The following FAT3 variants were observed in gnomAD, a reference collection of about 807,000 sequenced individuals.
FAT3 encodes protocadherin Fat 3.
In FAT3, 95 loss-of-function variants were observed where a neutral mutation model predicts 310.2. The observed-to-expected ratio is 0.31, with a 90% CI of 0.26 to 0.36. FAT3 has a LOEUF of 0.36. FAT3 is among the 10% of genes least tolerant of loss of function. The probability of loss-of-function intolerance (pLI) is 1.00; values close to 1 mark genes in which losing one functional copy is unlikely to be tolerated. For missense variants in FAT3, 5,408 were observed against 5,715.6 expected (o/e 0.95, Z 1.74); for synonymous variants, 2,314 against 2,192.9 (o/e 1.06, Z -1.54).
At chr11:92,679,609 G>A (rs560952953) in intron 3 of FAT3, among the ~76,000 whole-genome samples, 13 of 151,990 alleles carry the variant, frequency 8.6e-5, no homozygotes, top group Non-Finnish European at 1.6e-4. Context: ...TTGGGAGTCC[G>A]AGGTGGGCGG....
intron 3 of FAT3, among the ~76,000 whole-genome samples, chr11:92,531,932 C>T (rs951873765): frequency 6.6e-6 from 1 of 152,036 alleles, no homozygotes; most frequent in African/African-American, 2.4e-5. Context: ...AGGGTCACCC[C>T]TTGCTTCAGT....
chr11:92,739,286 A>G (rs1945439446), intron 4 of FAT3, among the ~76,000 whole-genome samples: 1 of 152,102 alleles, frequency 6.6e-6, no homozygotes, highest in East Asian at 1.9e-4. Context: ...ACCTCATGCA[A>G]TCTTTTTGTT....
In FAT3 at chr11:92,320,882, G is replaced by T. The variant is rs990678407; in HGVS notation, c.-17-31214G>T. On this transcript the variant is annotated intron_variant, in intron 1 of 27. Transcript: ENST00000525166. Reference sequence around the variant, plus strand: ...GAAACTCCATCTCAAAAAAAAAAAGGGGGGGGTACTTATTTATAATGTCCT... The same window carrying T: ...GAAACTCCATCTCAAAAAAAAAAAGTGGGGGGTACTTATTTATAATGTCCT... 1.5e-4 allele frequency among the ~76,000 whole-genome samples: 17 copies of T among 117,096 alleles called. No individual in the cohort carries two copies. The South Asian group carries it at 4.3e-3, about 29-fold the overall frequency. 76.8% of individuals were successfully genotyped at this position (117,096 alleles called of 152,430 possible).
intron 1 of FAT3, among the ~76,000 whole-genome samples, chr11:92,230,354 C>T (rs367723630): frequency 2.6e-5 from 4 of 152,042 alleles, no homozygotes; most frequent in African/African-American, 4.8e-5. Context: ...AGTGCAGTGG[C>T]GTGTTCTTGG....
At chr11:92,652,582 A>G (rs375737488) in intron 3 of FAT3, among the ~76,000 whole-genome samples, 1 of 152,258 alleles carries the variant, frequency 6.6e-6, no homozygotes, top group South Asian at 2.1e-4. Flanking sequence ...GGCTTCTCCT[A>G]CTCATTCTCA....
intron 4 of FAT3, among the ~76,000 whole-genome samples, chr11:92,751,051 T>G (rs1945814890): frequency 6.6e-6 from 1 of 152,124 alleles, no homozygotes; most frequent in Non-Finnish European, 1.5e-5. Context: ...TGCTGTATAA[T>G]TGCCATCCCT....
intron 3 of FAT3, among the ~76,000 whole-genome samples, chr11:92,625,547 C>A: frequency 6.6e-6 from 1 of 152,302 alleles, no homozygotes; most frequent in Non-Finnish European, 1.5e-5. Context: ...CCCAACAAAG[C>A]TCACACCGAT....
intron 2 of FAT3, among the ~76,000 whole-genome samples, chr11:92,390,219 G>A (rs1174733907): frequency 6.6e-6 from 1 of 152,118 alleles, no homozygotes; most frequent in Non-Finnish European, 1.5e-5. Context: ...AGATCTAAAA[G>A]CTTTCCTCCC....
chr11:92,321,950 A>C (rs917673890), intron 1 of FAT3, among the ~76,000 whole-genome samples: 9 of 152,244 alleles, frequency 5.9e-5, no homozygotes, highest in African/African-American at 2.2e-4. Context: ...ACTGAGGCTC[A>C]ATGCCATGAA....
chr11:92,885,906 C>T (rs890179488), intron 24 of FAT3, among the ~76,000 whole-genome samples: 1 of 152,218 alleles, frequency 6.6e-6, no homozygotes, highest in East Asian at 1.9e-4. Context: ...GTTTAGCCAA[C>T]TCCTGTGGCC....
chr11:92,551,174 T>C (rs1954802262), intron 3 of FAT3, among the ~76,000 whole-genome samples: 1 of 151,988 alleles, frequency 6.6e-6, no homozygotes, highest in Non-Finnish European at 1.5e-5. Flanking sequence ...AGCAAATACC[T>C]CAATTACAGC....
rs16917425 is a variant in FAT3 at position 92,364,195 on chromosome 11, T to C, written c.3292+8791T>C. ...TGTGTGGTCTTTTCTCTGTATGCAATCTTCCTTTTATATTTAATAATAGAC... is the reference window on the plus strand; with the variant it reads ...TGTGTGGTCTTTTCTCTGTATGCAACCTTCCTTTTATATTTAATAATAGAC... On this transcript the variant is annotated intron_variant, in intron 2 of 27. Coordinates refer to ENST00000525166, the MANE Select transcript of FAT3 (RefSeq NM_001367949.2). Among the ~76,000 whole-genome samples the C allele has an allele frequency of 6.6e-3, 999 of 152,302 alleles. 17 individuals are homozygous for C. The highest frequency in any genetic ancestry group is 0.022 in the African/African-American group (923 of 41,564).
intron 13 of FAT3, among the ~76,000 whole-genome samples, chr11:92,810,653 G>A (rs2136213304): frequency 6.6e-6 from 1 of 152,244 alleles, no homozygotes; most frequent in South Asian, 2.1e-4. Flanking sequence ...ACAGAGTGGG[G>A]GTGGGGGAGA....
intron 7 of FAT3, among the ~76,000 whole-genome samples, chr11:92,788,999 A>AAT (rs1007659526): frequency 1.2e-4 from 18 of 152,288 alleles, no homozygotes; most frequent in African/African-American, 3.8e-4. Context: ...AAAGATTATG[A>AAT]ATATATATAT....
chr11:92,541,037 A>T (rs1277801260), intron 3 of FAT3, among the ~76,000 whole-genome samples: 2 of 152,198 alleles, frequency 1.3e-5, no homozygotes, highest in Admixed American at 6.6e-5. Context: ...CAATTATGTT[A>T]CAAGAAAATA....
Position 92,800,296 on chromosome 11 carries a change from G to T in FAT3, c.7283G>T (p.Arg2428Leu). The T allele has an allele frequency of 2.5e-6, 4 of 1,613,786 alleles. No individual in the cohort carries two copies. The highest frequency in any genetic ancestry group is 3.4e-6 in the Non-Finnish European group (4 of 1,179,740). ...GATGCAGACAGCTCTGATTTTGACC[G>T]GTTGGAATATAGCATTTTATCTGGG... is the stretch of plus-strand genomic sequence containing the variant. Reference protein sequence around the residue: ...ASDADSSDFDRLEYSILSGND... With the variant: ...ASDADSSDFDLLEYSILSGND... Residue 2428 changes from arginine to leucine, a missense_variant, in exon 10 of 28, where the codon CGG (arginine) becomes CTG (leucine). Coordinates refer to ENST00000525166, the MANE Select transcript of FAT3 (RefSeq NM_001367949.2).
At chr11:92,880,982 G>C in intron 23 of FAT3, 98 bp downstream of exon 23, 1 of 1,345,714 alleles carries the variant, frequency 7.4e-7, no homozygotes, top group Non-Finnish European at 1.0e-6. Context: ...ACCACTAATA[G>C]TACAGGCAAA....
intron 7 of FAT3, among the ~76,000 whole-genome samples, chr11:92,779,229 T>C (rs12288882): frequency 0.013 from 1,977 of 152,206 alleles, 49 homozygotes; most frequent in African/African-American, 0.045. Flanking sequence ...TTATCGTCCC[T>C]CCAAACATAA....
intron 1 of FAT3, among the ~76,000 whole-genome samples, chr11:92,236,757 T>C (rs1303049281): frequency 1.3e-5 from 2 of 152,222 alleles, no homozygotes; most frequent in African/African-American, 4.8e-5. Flanking sequence ...TGCTCACAGT[T>C]CAGTGTTGGG....
Sources: allele counts gnomAD v4.1 joint callset (sites outside exome capture counted in the v4.1 genomes callset), GRCh38; gene constraint gnomAD v4.1.1; transcripts MANE v1.5; gene names NCBI Gene and HGNC (gene_info 2026-07-23, HGNC 2026-07-21).